The following DLD variants were observed in gnomAD, a reference collection of about 807,000 sequenced individuals.
DLD encodes the protein dihydrolipoyl dehydrogenase, mitochondrial.
In DLD, 36 loss-of-function variants were observed where a neutral mutation model predicts 62.2. The ratio of observed to expected loss-of-function variants is 0.58; its 90% CI spans 0.44 to 0.76. DLD has a LOEUF of 0.76. DLD is among the 30% of genes least tolerant of loss of function. The pLI is 0.00. For synonymous variants in DLD, 204 were observed against 199.6 expected (o/e 1.02, Z -0.19); for missense variants, 541 against 608.6 (o/e 0.89, Z 1.17).
intron 8 of DLD, among the ~76,000 whole-genome samples, chr7:107,914,797 AATT>A (rs1486349606): frequency 6.6e-6 from 1 of 152,200 alleles, no homozygotes; most frequent in African/African-American, 2.4e-5. Context: ...TTTAATATAT[AATT>A]ATTTAGAAGT....
At chr7:107,901,931 A>G (rs773745813) in intron 3 of DLD, 114 bp downstream of exon 3, 1 of 835,302 alleles carries the variant, frequency 1.2e-6, no homozygotes, top group Non-Finnish European at 2.0e-6. Flanking sequence ...AACTCTATAA[A>G]TTACTTGTAA....
At chr7:107,891,411 CT>C (rs1162556885) in intron 1 of DLD, 122 bp downstream of exon 1, 7 of 1,087,892 alleles carry the variant, frequency 6.4e-6, no homozygotes, top group Non-Finnish European at 8.3e-6. Context: ...CGCACCACCC[CT>C]GGCCCCGCCT....
intron 2 of DLD, among the ~76,000 whole-genome samples, chr7:107,894,541 A>G (rs932789803): frequency 6.6e-6 from 1 of 152,244 alleles, no homozygotes; most frequent in Non-Finnish European, 1.5e-5. Flanking sequence ...TGGACCTCTT[A>G]TACACTTTGT....
intron 2 of DLD, among the ~76,000 whole-genome samples, chr7:107,901,521 AAAT>A (rs2031874741): frequency 6.6e-6 from 1 of 152,194 alleles, no homozygotes; most frequent in Admixed American, 6.5e-5. Flanking sequence ...AATGAATAGA[AAAT>A]AATAGAAAAT....
chr7:107,912,081 G>A (rs1045522355), intron 8 of DLD, among the ~76,000 whole-genome samples: 5 of 151,640 alleles, frequency 3.3e-5, no homozygotes, highest in Non-Finnish European at 5.9e-5. Context: ...TAGAACATGC[G>A]ATATTTGTCT....
Position 107,919,075 on chromosome 7 carries a change from A to G in DLD, c.1440A>G (p.Ile480Met), listed in dbSNP as rs772512477. ...AATATGGAGCATCCTGTGAAGATAT[A>G]GCTAGAGTCTGTCATGCACATCCGG... ...ALEYGASCED[I>M]ARVCHAHPTL... is the part of the protein sequence containing the mutation. The change falls in exon 13 of 14, where the codon ATA (isoleucine) becomes ATG (methionine). Residue 480 changes from isoleucine (I) to methionine (M), a missense_variant. Ile to Met is a conservative substitution (Grantham distance 10, BLOSUM62 1). Coordinates refer to ENST00000205402, the MANE Select transcript of DLD (RefSeq NM_000108.5). The G allele has an allele frequency of 1.9e-6, 3 of 1,613,932 alleles. No homozygotes were observed. Among genetic ancestry groups the G allele is most frequent in the Admixed American group, 3.3e-5 (2 of 60,018 alleles).
chr7:107,904,734 C>CT (rs2031961547), intron 5 of DLD: 2 of 617,320 alleles, frequency 3.2e-6, no homozygotes, highest in Admixed American at 2.1e-5. Context: ...TTTGGACTGC[C>CT]TTTTTACCCA....
At chr7:107,916,702 A>T in intron 9 of DLD, 92 bp from the exon 10 acceptor site, 1 of 1,308,260 alleles carries the variant, frequency 7.6e-7, no homozygotes, top group Non-Finnish European at 1.1e-6. Flanking sequence ...TGAAAATGTC[A>T]TCAACACTTG....
intron 11 of DLD, 110 bp downstream of exon 11, chr7:107,917,572 A>T: frequency 4.5e-6 from 5 of 1,101,642 alleles, no homozygotes; most frequent in Non-Finnish European, 6.9e-6. Flanking sequence ...CAGCTGTGAA[A>T]TATTGTTTAG....
chr7:107,891,415 C>T, intron 1 of DLD, 126 bp downstream of exon 1: 3 of 1,063,408 alleles, frequency 2.8e-6, no homozygotes, highest in Non-Finnish European at 4.3e-6. Context: ...CCACCCCTGG[C>T]CCCGCCTCTG....
chr7:107,913,170 C>T (rs1028069663), intron 8 of DLD, among the ~76,000 whole-genome samples: 1 of 151,972 alleles, frequency 6.6e-6, no homozygotes, highest in Admixed American at 6.6e-5. Context: ...CTTTTTATGC[C>T]AGTACTATGC....
chr7:107,911,134 A>G (rs2032130091), intron 8 of DLD, among the ~76,000 whole-genome samples: 1 of 152,156 alleles, frequency 6.6e-6, no homozygotes. Flanking sequence ...CTTGCTACCC[A>G]TTAGCAGTCA....
intron 8 of DLD, among the ~76,000 whole-genome samples, chr7:107,912,310 A>G (rs1378218840): frequency 1.3e-5 from 2 of 152,030 alleles, no homozygotes; most frequent in African/African-American, 4.8e-5. Flanking sequence ...ATACCTCTTC[A>G]ATATATTGAT....
chr7:107,905,371 T>G lies in DLD; in HGVS notation c.449T>G (p.Val150Gly). Residue 150 changes from valine to glycine, a missense_variant, in exon 7 of 14, where the codon GTC (valine) becomes GGC (glycine). Coordinates refer to ENST00000205402, the MANE Select transcript of DLD (RefSeq NM_000108.5). ...HLFKQNKVVH[V>G]NGYGKITGKN... ...GATTATTTTGTAAAGGTTGTTCATG[T>G]CAATGGATATGGAAAGATAACTGGC... is the stretch of plus-strand genomic sequence containing the variant. 6.2e-7 allele frequency: 1 copy of G among 1,613,400 alleles called. No individual in the cohort carries two copies. Among genetic ancestry groups the G allele is most frequent in the Non-Finnish European group, 8.5e-7 (1 of 1,179,416 alleles).
intron 1 of DLD, 67 bp from the exon 2 acceptor site, chr7:107,893,133 A>G: frequency 7.3e-7 from 1 of 1,372,564 alleles, no homozygotes; most frequent in Non-Finnish European, 1.0e-6. Flanking sequence ...TTCTGTTATC[A>G]TCAACCTTCA....
At chr7:107,902,699 A>G (rs2031907345) in intron 4 of DLD, among the ~76,000 whole-genome samples, 1 of 152,230 alleles carries the variant, frequency 6.6e-6, no homozygotes, top group East Asian at 1.9e-4. Context: ...AGTGTAACAG[A>G]TAATAGATAG....
At chr7:107,913,783 G>GA (rs1252594493) in intron 8 of DLD, among the ~76,000 whole-genome samples, 4 of 152,082 alleles carry the variant, frequency 2.6e-5, no homozygotes, top group Non-Finnish European at 4.4e-5. Context: ...TAAAAGTGGT[G>GA]AAAAATGGGC....
rs991696528 is a variant in DLD, at chr7:107,919,894, C to G, written c.*635C>G. On this transcript the variant is annotated 3_prime_UTR_variant, in exon 14 of 14. Transcript: ENST00000205402. ...AAATTAAGAGAGTCTATTTACGGAA[C>G]TCAAATACGTGGGCATTCAAATGTA... 3.3e-5 allele frequency: 5 copies of G among 152,542 alleles called. No individual in the cohort carries two copies. The highest frequency in any genetic ancestry group is 1.5e-5 in the Non-Finnish European group (1 of 68,274). 9.4% of individuals were successfully genotyped at this position (152,542 alleles called of 1,614,324 possible). A position where few individuals can be genotyped will look rare whatever the true frequency, so the allele number is the denominator to read the frequency against.
chr7:107,894,774 T>C (rs749820561), intron 2 of DLD, among the ~76,000 whole-genome samples: 3 of 152,236 alleles, frequency 2.0e-5, no homozygotes, highest in Admixed American at 6.5e-5. Flanking sequence ...TCCCTTGACA[T>C]TGAGTAAATC....
Sources: gnomAD v4.1 joint callset for allele counts (sites outside exome capture counted in the v4.1 genomes callset) on GRCh38, gnomAD v4.1.1 for gene constraint, MANE v1.5 for transcripts, NCBI Gene and HGNC (gene_info 2026-07-23, HGNC 2026-07-21) for gene names.